The following AK8 variants were observed in gnomAD, a reference collection of about 807,000 sequenced individuals.
The protein encoded by AK8 is ATP-AMP transphosphorylase 8.
AK8 carries 44 observed loss-of-function variants against 54.6 expected under a neutral mutation model. The ratio of observed to expected loss-of-function variants is 0.81; its 90% CI spans 0.63 to 1.04. The LOEUF is 1.04. Among genes scored for constraint, AK8 ranks in the 50% least tolerant of loss-of-function variants. AK8 has a pLI of 0.00. For synonymous variants in AK8, 239 were observed against 245.6 expected, an observed-to-expected ratio of 0.97 and a Z score of 0.25; for missense variants, 555 against 613.6, an observed-to-expected ratio of 0.90 and a Z score of 1.01.
chr9:132,770,675 G>A lies in AK8; in HGVS notation c.1121+21959C>T, dbSNP rs1053058574. ...AGCGGGCTGGGCCGAGATCGAGACC[G>A]GGACAAGGCAGGGAAGAGCGGGATG... On this transcript the variant is annotated intron_variant, in intron 11 of 12. Transcript: ENST00000298545. This position sits in a 1 kb window ranked among gnomAD's most constrained non-coding sequence, Gnocchi z 4.3. 3.9e-5 allele frequency among the ~76,000 whole-genome samples: 6 copies of A among 152,206 alleles called. No individual in the cohort carries two copies. Among genetic ancestry groups the A allele is most frequent in the African/African-American group, 1.2e-4 (5 of 41,456 alleles).
intron 5 of AK8, 71 bp downstream of exon 5, chr9:132,854,786 G>T: frequency 1.3e-6 from 2 of 1,510,182 alleles, no homozygotes; most frequent in Non-Finnish European, 1.8e-6. Flanking sequence ...CTCTGGTCTT[G>T]GAGATGAACA....
intron 11 of AK8, among the ~76,000 whole-genome samples, chr9:132,741,467 C>G (rs746460608): frequency 2.0e-5 from 3 of 152,264 alleles, no homozygotes; most frequent in African/African-American, 7.2e-5. Flanking sequence ...CATTGGTCAG[C>G]AACAGCCCCC....
At chr9:132,779,022 C>T (rs1839347790) in intron 11 of AK8, among the ~76,000 whole-genome samples, 1 of 152,008 alleles carries the variant, frequency 6.6e-6, no homozygotes, top group Non-Finnish European at 1.5e-5. Context: ...AACAGGCTAC[C>T]TTCCCCACTT....
In AK8 at chr9:132,746,044, G is replaced by A. The variant is rs555710887; in HGVS notation, c.1122-18510C>T. On this transcript the variant is annotated intron_variant, in intron 11 of 12. Coordinates refer to ENST00000298545, the MANE Select transcript of AK8 (RefSeq NM_152572.3). ...TGGCTGACTTCCCAGCTGGAGCAAC[G>A]GGGATGTCGAGTTTAGGGAGACGCT... is the stretch of plus-strand genomic sequence containing the variant. Among the ~76,000 whole-genome samples the A allele has an allele frequency of 2.6e-5, 4 of 152,272 alleles. No homozygotes were observed. In the South Asian group the frequency reaches 6.2e-4, roughly 24 times the overall value.
rs1273670345 is a variant in AK8, at chr9:132,837,318, C to CG, written c.403-8593dup. On this transcript the variant is annotated intron_variant, in intron 5 of 12. Transcript: ENST00000298545. The surrounding 1 kb of genome is among the most constrained non-coding windows in gnomAD (Gnocchi z 4.3). ...TGGGTGACAGAGCAAGACTCCATCT[C>CG]GAAAAAAAAAAAAAAAAAAAGAATG... is the stretch of plus-strand genomic sequence containing the variant. 2.4e-5 allele frequency among the ~76,000 whole-genome samples: 3 copies of CG among 125,450 alleles called. No homozygotes were observed. The highest frequency in any genetic ancestry group is 9.2e-5 in the African/African-American group (3 of 32,588). The allele number at this position is 125,450 out of a possible 152,430, so 82.3% of individuals were successfully genotyped here. A position where few individuals can be genotyped will look rare whatever the true frequency, so the allele number is the denominator to read the frequency against.
intron 11 of AK8, among the ~76,000 whole-genome samples, chr9:132,771,246 C>CA (rs1564393110): frequency 6.6e-6 from 1 of 152,166 alleles, no homozygotes; most frequent in African/African-American, 2.4e-5. Context: ...AGAGGTAGGC[C>CA]AGGTGCACAG....
At chr9:132,831,418 C>T (rs916356728) in intron 5 of AK8, among the ~76,000 whole-genome samples, 1 of 152,130 alleles carries the variant, frequency 6.6e-6, no homozygotes, top group Non-Finnish European at 1.5e-5. Context: ...AAAGTCCTTT[C>T]AAGTCCCGTG....
intron 11 of AK8, among the ~76,000 whole-genome samples, chr9:132,776,343 G>A (rs1234152432): frequency 6.6e-6 from 1 of 152,242 alleles, no homozygotes; most frequent in East Asian, 1.9e-4. Context: ...AGGAGGCTCA[G>A]GGAGCACCCT....
rs1218063689 is a variant in AK8, at chr9:132,768,297, C to T, written c.1121+24337G>A. Among the ~76,000 whole-genome samples the T allele has an allele frequency of 1.5e-4, 22 of 148,616 alleles. No individual in the cohort carries two copies. The East Asian group carries it at 3.7e-3, about 25-fold the overall frequency. On this transcript the variant is annotated intron_variant, in intron 11 of 12. Coordinates refer to ENST00000298545, the MANE Select transcript of AK8 (RefSeq NM_152572.3). The stretch of plus-strand genomic sequence containing the variant: ...TTTTTTTTTTTTTGAGACGGAGTTT[C>T]GCTCTTGTTGCCCAGGCTGAAGTGC...
At chr9:132,738,625 C>T (rs1284176821) in intron 11 of AK8, among the ~76,000 whole-genome samples, 2 of 152,168 alleles carry the variant, frequency 1.3e-5, no homozygotes, top group Non-Finnish European at 2.9e-5. Context: ...AGGGGAAGTT[C>T]AGGGATGTTT....
In AK8 at chr9:132,761,951, C is replaced by A. The variant is rs141942168; in HGVS notation, c.1121+30683G>T. ...GTGGTGCAATCTCAGCTCACTGCAA[C>A]CTTCACCTCCCCAGTTCAAGCAATT... On this transcript the variant is annotated intron_variant, in intron 11 of 12. Transcript: ENST00000298545. 5.6e-3 allele frequency among the ~76,000 whole-genome samples: 850 copies of A among 152,158 alleles called. 7 individuals carry two copies. Among genetic ancestry groups the A allele is most frequent in the African/African-American group, 0.019 (795 of 41,478 alleles).
intron 10 of AK8, among the ~76,000 whole-genome samples, chr9:132,810,206 T>C (rs973873445): frequency 2.0e-5 from 3 of 152,258 alleles, no homozygotes; most frequent in Admixed American, 2.0e-4. Flanking sequence ...GTTGTGTCTT[T>C]AATTTTGTAG....
chr9:132,785,287 A>G (rs1839645243), intron 11 of AK8, among the ~76,000 whole-genome samples: 1 of 152,034 alleles, frequency 6.6e-6, no homozygotes, highest in South Asian at 2.1e-4. Context: ...TATTTTTAGT[A>G]GAGACAGGGT....
Position 132,875,276 on chromosome 9 carries a change from C to T in AK8, c.85-77G>A, listed in dbSNP as rs1844043832. On this transcript the variant is annotated intron_variant, in intron 1 of 12. Transcript: ENST00000298545. ...GTCACCACAGATACCAGCTATGGGGCCTGCTCTCTCCACTGCACCCCACCA... is the reference window on the plus strand; with the variant it reads ...GTCACCACAGATACCAGCTATGGGGTCTGCTCTCTCCACTGCACCCCACCA... 5 of 1,567,724 alleles carry T rather than the reference C, an allele frequency of 3.2e-6. No homozygotes were observed. The Admixed American group carries it at 9.4e-5, about 30-fold the overall frequency.
rs1840336155 is a variant in AK8 at position 132,799,405 on chromosome 9, C to G, written c.980-6630G>C. Among the ~76,000 whole-genome samples the G allele has an allele frequency of 1.3e-5, 2 of 152,050 alleles. No individual in the cohort carries two copies. The highest frequency in any genetic ancestry group is 4.2e-4 in the South Asian group (2 of 4,818). On this transcript the variant is annotated intron_variant, in intron 10 of 12. Coordinates refer to ENST00000298545, the MANE Select transcript of AK8 (RefSeq NM_152572.3). This position sits in a 1 kb window ranked among gnomAD's most constrained non-coding sequence, Gnocchi z 5.0. ...CAAGCCATGTGAGCCTCCTTGGCACCCTAGGGCAAACAGGAAAGAGCTGAG... is the reference window on the plus strand; with the variant it reads ...CAAGCCATGTGAGCCTCCTTGGCACGCTAGGGCAAACAGGAAAGAGCTGAG...
chr9:132,797,145 A>G (rs1364610323), intron 10 of AK8, among the ~76,000 whole-genome samples: 1 of 152,200 alleles, frequency 6.6e-6, no homozygotes, highest in African/African-American at 2.4e-5. Flanking sequence ...AGCGCACATC[A>G]GTAACAACTG....
In AK8 at chr9:132,788,281, A is replaced by G. The variant is rs372653827; in HGVS notation, c.1121+4353T>C. ...AAGCAGGTTTCCTGGAAAAACCACA[A>G]AATTGTATGCTTGTATCTCATTAGC... is the stretch of plus-strand genomic sequence containing the variant. On this transcript the variant is annotated intron_variant, in intron 11 of 12. Coordinates refer to ENST00000298545, the MANE Select transcript of AK8 (RefSeq NM_152572.3). Among the ~76,000 whole-genome samples, 60 of 152,318 alleles carry G rather than the reference A, an allele frequency of 3.9e-4. 2 individuals carry two copies. In the South Asian group the frequency reaches 0.011, roughly 27 times the overall value.
intron 11 of AK8, among the ~76,000 whole-genome samples, chr9:132,756,635 A>C (rs1838203015): frequency 6.6e-6 from 1 of 152,206 alleles, no homozygotes; most frequent in Admixed American, 6.5e-5. Flanking sequence ...AAATGCCGGC[A>C]TCTCACTGAC....
intron 4 of AK8, among the ~76,000 whole-genome samples, chr9:132,858,014 T>C (rs1046556890): frequency 8.5e-5 from 13 of 152,112 alleles, no homozygotes; most frequent in African/African-American, 1.9e-4. Context: ...AAGTCTGGCA[T>C]TTGGGGAGAA....
Sources: allele counts gnomAD v4.1 joint callset (sites outside exome capture counted in the v4.1 genomes callset), GRCh38; gene constraint gnomAD v4.1.1; non-coding constraint Gnocchi (gnomAD v3.1); transcripts MANE v1.5; gene names NCBI Gene and HGNC (gene_info 2026-07-23, HGNC 2026-07-21).